The following CD8A variants were observed in gnomAD, a reference collection of about 807,000 sequenced individuals.
CD8A encodes the protein T-cell surface glycoprotein CD8 alpha chain.
A neutral mutation model predicts 24.2 loss-of-function variants in CD8A; 25 were observed. The ratio of observed to expected loss-of-function variants is 1.03; its 90% CI spans 0.75 to 1.44. The LOEUF is 1.44. Among genes scored for constraint, CD8A ranks in the 40% most tolerant of loss-of-function variants. The pLI is 0.00. For synonymous variants in CD8A, 165 were observed against 149.9 expected, an observed-to-expected ratio of 1.10 and a Z score of -0.74; for missense variants, 360 against 319.7, an observed-to-expected ratio of 1.13 and a Z score of -0.96.
chr2:86,790,814 T>A lies in CD8A; in HGVS notation c.12A>T (p.Pro4=). The change falls in exon 1 of 6, where the codon CCA becomes CCT. Residue 4 remains proline (P), a synonymous_variant. Coordinates refer to ENST00000283635, the MANE Select transcript of CD8A (RefSeq NM_001768.7). The part of the protein sequence containing the change: MAL[P]VTALLLPLAL... ...CCAGCGGCAGGAGCAAGGCGGTCAC[T>A]GGTAAGGCCATGACGCGCTCCCCAG... is the stretch of plus-strand genomic sequence containing the variant. 1 of 1,545,498 alleles carries A rather than the reference T, an allele frequency of 6.5e-7. No homozygotes were observed.
At chr2:86,804,051 G>C (rs1200238040) in intron 2 of CD8A, among the ~76,000 whole-genome samples, 1 of 152,160 alleles carries the variant, frequency 6.6e-6, no homozygotes, top group African/African-American at 2.4e-5. Context: ...GATGAGCATA[G>C]TTGCTTTTGC....
chr2:86,786,976 C>T (rs187818495), intron 5 of CD8A, among the ~76,000 whole-genome samples: 6,781 of 125,680 alleles, frequency 0.054, 254 homozygotes, highest in Middle Eastern at 0.079. Flanking sequence ...GCCGAGATCG[C>T]ACCACTGCAC....
At position 86,790,500 on chromosome 2, in the gene CD8A, C is replaced by T. The variant is rs1673237413; in HGVS notation, c.231G>A (p.Lys77=). 6.2e-7 allele frequency: 1 copy of T among 1,614,060 alleles called. No individual in the cohort carries two copies. The highest frequency in any genetic ancestry group is 8.5e-7 in the Non-Finnish European group (1 of 1,180,004). The change falls in exon 2 of 6, where the codon AAG becomes AAA. Residue 77 remains lysine, a synonymous_variant. Coordinates refer to ENST00000283635, the MANE Select transcript of CD8A (RefSeq NM_001768.7). ...PTFLLYLSQN[K]PKAAEGLDTQ... is the part of the protein sequence containing the mutation. ...TGTCCAGCCCCTCGGCCGCCTTGGG[C>T]TTGTTTTGGGAGAGGTATAGGAGGA...
chr2:86,791,812 G>C, upstream of CD8A: 1 of 378,022 alleles, frequency 2.6e-6, no homozygotes, highest in Non-Finnish European at 5.2e-6. Context: ...CCTGCGCTCT[G>C]TGCTTTCACG....
Position 86,790,445 on chromosome 2 carries a change from C to A in CD8A, c.286G>T (p.Asp96Tyr), listed in dbSNP as rs747029177. ...TCGCTCAGGGTGAGGACGAAGGTGT[C>A]CCCCAACCTCTTGCCCGAGAACCGC... ...TQRFSGKRLG[D>Y]TFVLTLSDFR... Residue 96 changes from aspartate (D) to tyrosine (Y), a missense_variant, in exon 2 of 6, where the codon GAC becomes TAC. By Grantham distance (160) the Asp-to-Tyr change is radical. Coordinates refer to ENST00000283635, the MANE Select transcript of CD8A (RefSeq NM_001768.7). 10 of 1,614,000 alleles carry A rather than the reference C, an allele frequency of 6.2e-6. No individual in the cohort carries two copies. Among genetic ancestry groups the A allele is most frequent in the Non-Finnish European group, 6.8e-6 (8 of 1,180,010 alleles).
At chr2:86,800,949 G>A (rs1377743340) in intron 3 of CD8A, among the ~76,000 whole-genome samples, 1 of 152,142 alleles carries the variant, frequency 6.6e-6, no homozygotes, top group East Asian at 1.9e-4. Context: ...GGGCAATCAG[G>A]ACACACACAC....
chr2:86,791,786 T>C, upstream of CD8A: 1 of 400,146 alleles, frequency 2.5e-6, no homozygotes. Context: ...CTTCACAGGC[T>C]TGAAGTCATT....
intron 3 of CD8A, among the ~76,000 whole-genome samples, chr2:86,797,407 C>G (rs139922356): frequency 8.7e-4 from 133 of 152,274 alleles, no homozygotes; most frequent in Middle Eastern, 3.4e-3. Flanking sequence ...GGTGGAAGAA[C>G]TTCACAGGGG....
At chr2:86,789,608 C>T (rs1211293825) in intron 3 of CD8A, 32 bp downstream of exon 3, 3 of 1,436,882 alleles carry the variant, frequency 2.1e-6, no homozygotes, top group Non-Finnish European at 2.8e-6. Context: ...GCGGTGCGTG[C>T]CGCCCCCGCC....
At position 86,789,388 on chromosome 2, in the gene CD8A, G is replaced by T. The variant is rs1298509451; in HGVS notation, c.560C>A (p.Ala187Glu). Reference protein sequence around the residue: ...LDFACDIYIWAPLAGTCGVLL... With the variant: ...LDFACDIYIWEPLAGTCGVLL... Reference sequence around the variant, plus strand: ...GACCCCACAAGTCCCGGCCAAGGGCGCCCAGATGTAGATATCACAGGCGAA... The same window carrying T: ...GACCCCACAAGTCCCGGCCAAGGGCTCCCAGATGTAGATATCACAGGCGAA... The change falls in exon 4 of 6, where the codon GCG becomes GAG. Residue 187 changes from alanine to glutamate, a missense_variant. Physicochemically the swap from Ala to Glu is moderately radical, Grantham distance 107. Coordinates refer to ENST00000283635, the MANE Select transcript of CD8A (RefSeq NM_001768.7). 4 of 1,613,796 alleles carry T rather than the reference G, an allele frequency of 2.5e-6. No individual in the cohort carries two copies. The Admixed American group carries it at 5.0e-5, about 20-fold the overall frequency.
At chr2:86,792,414 C>A (rs764012179), upstream of CD8A, among the ~76,000 whole-genome samples, 16 of 152,200 alleles carry the variant, frequency 1.1e-4, no homozygotes, top group Non-Finnish European at 2.2e-4. Flanking sequence ...ACAGCATGGG[C>A]TGAGCTGTGC....
rs775278566 is a variant in CD8A at position 86,785,731 on chromosome 2, A to AT, written c.*188dup. 2 of 745,152 alleles carry AT rather than the reference A, an allele frequency of 2.7e-6. No individual in the cohort carries two copies. Among genetic ancestry groups the AT allele is most frequent in the South Asian group, 1.4e-5 (1 of 71,166 alleles). The allele number at this position is 745,152 out of a possible 1,614,324, so 46.2% of individuals were successfully genotyped here. A position where few individuals can be genotyped will look rare whatever the true frequency, so the allele number is the denominator to read the frequency against. On this transcript the variant is annotated 3_prime_UTR_variant, in exon 6 of 6. Coordinates refer to ENST00000283635, the MANE Select transcript of CD8A (RefSeq NM_001768.7). ...TTGTGACCCTTGTGGTGTACTGTAG[A>AT]TTTTACCTAGTTTTGTTTCCCGTCA...
intron 2 of CD8A, among the ~76,000 whole-genome samples, chr2:86,803,613 G>A (rs911533287): frequency 1.7e-4 from 26 of 152,178 alleles, no homozygotes; most frequent in African/African-American, 5.6e-4. Flanking sequence ...GTGCAGTGGC[G>A]CAATTTTGGC....
At chr2:86,788,000 C>T (rs1673093877) in intron 5 of CD8A, among the ~76,000 whole-genome samples, 1 of 151,904 alleles carries the variant, frequency 6.6e-6, no homozygotes, top group East Asian at 1.9e-4. Context: ...TCTCGTTCCC[C>T]TTTTTTCTAC....
At chr2:86,793,891 G>C (rs923616510), upstream of CD8A, among the ~76,000 whole-genome samples, 1 of 152,226 alleles carries the variant, frequency 6.6e-6, no homozygotes, top group Non-Finnish European at 1.5e-5. Flanking sequence ...CCTTTGTACA[G>C]AGCACCATGG....
chr2:86,786,737 C>T (rs1241238674), intron 5 of CD8A, among the ~76,000 whole-genome samples: 1 of 152,142 alleles, frequency 6.6e-6, no homozygotes, highest in African/African-American at 2.4e-5. Flanking sequence ...ATGCTAAAAA[C>T]TGGCCGGGTG....
At position 86,789,314 on chromosome 2, in the gene CD8A, G is replaced by C. The variant is rs765388761; in HGVS notation, c.625+9C>G. On this transcript the variant is annotated intron_variant, in intron 4 of 5. Coordinates refer to ENST00000283635, the MANE Select transcript of CD8A (RefSeq NM_001768.7). ...CGACTCCTTCCCGCCGCGATTCCTC[G>C]GGACTTACTGTGGTTGCAGTAAAGG... The C allele has an allele frequency of 9.0e-6, 14 of 1,562,220 alleles. No individual in the cohort carries two copies. Among genetic ancestry groups the C allele is most frequent in the South Asian group, 2.2e-5 (2 of 90,146 alleles).
chr2:86,791,383 G>C (rs1673303465), upstream of CD8A: 1 of 381,694 alleles, frequency 2.6e-6, no homozygotes, highest in African/African-American at 2.1e-5. Flanking sequence ...AGTTTTCACC[G>C]AGGAAGGACC....
chr2:86,804,829 G>C (rs1673790323), intron 2 of CD8A, among the ~76,000 whole-genome samples: 1 of 130,730 alleles, frequency 7.6e-6, no homozygotes, highest in Non-Finnish European at 1.6e-5. Context: ...TTGAGACAGA[G>C]TCTCGCTCTG....
Sources: allele counts gnomAD v4.1 joint callset (sites outside exome capture counted in the v4.1 genomes callset), GRCh38; gene constraint gnomAD v4.1.1; transcripts MANE v1.5; gene names NCBI Gene and HGNC (gene_info 2026-07-23, HGNC 2026-07-21).